The following NRXN1 variants were observed in gnomAD, a reference collection of about 807,000 sequenced individuals.
NRXN1 encodes the protein neurexin-1.
In NRXN1, 39 loss-of-function variants were observed where a neutral mutation model predicts 150.9. The observed-to-expected ratio is 0.26, with a 90% CI of 0.20 to 0.34. The LOEUF is 0.34. NRXN1 is among the 10% of genes least tolerant of loss of function. The pLI is 1.00. For synonymous variants in NRXN1, 924 were observed against 757.0 expected, an observed-to-expected ratio of 1.22 and a Z score of -3.62; for missense variants, 1,815 against 1,949.9, an observed-to-expected ratio of 0.93 and a Z score of 1.30.
intron 17 of NRXN1, chr2:50,312,711 A>G (rs753479601): frequency 1.9e-6 from 1 of 514,762 alleles, no homozygotes; most frequent in Non-Finnish European, 3.9e-6. Context: ...TCACTAGAAA[A>G]TGCTTCTATC....
intron 17 of NRXN1, among the ~76,000 whole-genome samples, chr2:50,366,211 G>A (rs1176365116): frequency 2.0e-5 from 3 of 147,546 alleles, no homozygotes. Flanking sequence ...AGAATGCAAC[G>A]TATGTTGAGA....
chr2:49,983,077 T>C (rs1680246560), intron 21 of NRXN1, among the ~76,000 whole-genome samples: 1 of 152,202 alleles, frequency 6.6e-6, no homozygotes, highest in African/African-American at 2.4e-5. Context: ...CTATTCTTTC[T>C]TGCAGCCTTT....
chr2:50,205,875 T>C (rs1392827650), intron 18 of NRXN1, among the ~76,000 whole-genome samples: 5 of 152,038 alleles, frequency 3.3e-5, no homozygotes, highest in Non-Finnish European at 7.4e-5. Context: ...ATTATATTAT[T>C]CTATTTATAT....
chr2:50,254,920 C>T (rs1250032063), intron 17 of NRXN1, among the ~76,000 whole-genome samples: 2 of 152,082 alleles, frequency 1.3e-5, no homozygotes, highest in East Asian at 3.9e-4. Context: ...GATCCTCCCA[C>T]CTCAGCCTCC....
chr2:50,814,691 A>T (rs571634546), intron 5 of NRXN1, among the ~76,000 whole-genome samples: 1 of 152,154 alleles, frequency 6.6e-6, no homozygotes, highest in South Asian at 2.1e-4. Context: ...GATCTCACTT[A>T]AAAATGTAAA....
chr2:50,776,663 C>T (rs1370669484), intron 5 of NRXN1, among the ~76,000 whole-genome samples: 2 of 150,860 alleles, frequency 1.3e-5, no homozygotes, highest in African/African-American at 2.4e-5. Context: ...CATACACACA[C>T]ACACACACAC....
chr2:50,833,840 A>G (rs565917705), intron 5 of NRXN1, among the ~76,000 whole-genome samples: 43 of 152,316 alleles, frequency 2.8e-4, no homozygotes, highest in African/African-American at 9.4e-4. Flanking sequence ...CACAGATAGA[A>G]CATAAAGCAA....
intron 18 of NRXN1, among the ~76,000 whole-genome samples, chr2:50,150,116 C>T (rs571210316): frequency 2.1e-4 from 32 of 151,778 alleles, no homozygotes; most frequent in African/African-American, 7.7e-4. Flanking sequence ...GATTCAATTA[C>T]TGTAAAGAAA....
chr2:50,915,137 G>C (rs1284924444), intron 5 of NRXN1, among the ~76,000 whole-genome samples: 2 of 151,586 alleles, frequency 1.3e-5, no homozygotes, highest in African/African-American at 4.8e-5. Context: ...GCAAAATCTT[G>C]AAGTATGTGA....
chr2:50,991,333 C>T (rs1698507685), intron 2 of NRXN1, among the ~76,000 whole-genome samples: 1 of 151,890 alleles, frequency 6.6e-6, no homozygotes, highest in African/African-American at 2.4e-5. Flanking sequence ...AAGGTGACCT[C>T]CTAAATAAAT....
In NRXN1 at chr2:49,993,878, C is replaced by T. The variant is rs189509885; in HGVS notation, c.4129-50087G>A. Among the ~76,000 whole-genome samples the T allele has an allele frequency of 3.2e-3, 486 of 152,266 alleles. 1 individual carries two copies. Among genetic ancestry groups the T allele is most frequent in the Non-Finnish European group, 5.1e-3 (347 of 68,022 alleles). ...ACCTCATTAACTTATTTGAATGGTA[C>T]ATTTGTATCTCTTGAAGAACTCTTA... is the stretch of plus-strand genomic sequence containing the variant. On this transcript the variant is annotated intron_variant, in intron 21 of 22. Transcript: ENST00000401669.
chr2:51,015,665 A>G (rs983459210), intron 2 of NRXN1, among the ~76,000 whole-genome samples: 2 of 152,068 alleles, frequency 1.3e-5, no homozygotes, highest in Non-Finnish European at 2.9e-5. Context: ...GTGAAAAAAA[A>G]ATATTTAAAT....
Position 50,097,008 on chromosome 2 carries a change from T to C in NRXN1, c.3547-5514A>G, listed in dbSNP as rs570184530. Among the ~76,000 whole-genome samples the C allele has an allele frequency of 3.9e-5, 6 of 152,282 alleles. No homozygotes were observed. In the South Asian group the frequency reaches 1.0e-3, roughly 26 times the overall value. ...GCATATATAATATGTGCCTATGAAA[T>C]GGATAAAGCAGAATACACGTAAGTA... On this transcript the variant is annotated intron_variant, in intron 18 of 22. Transcript: ENST00000401669.
intron 17 of NRXN1, among the ~76,000 whole-genome samples, chr2:50,278,326 T>C (rs2070929209): frequency 1.5e-5 from 2 of 135,366 alleles, no homozygotes; most frequent in African/African-American, 2.8e-5. Flanking sequence ...ATTATATATA[T>C]ATATATTTAG....
In NRXN1 at chr2:50,788,619, G is replaced by C. The variant is rs554521745; in HGVS notation, c.832+133250C>G. Among the ~76,000 whole-genome samples, 187 of 152,034 alleles carry C rather than the reference G, an allele frequency of 1.2e-3. 2 individuals carry two copies. Among genetic ancestry groups the C allele is most frequent in the African/African-American group, 4.2e-3 (174 of 41,520 alleles). ...AGAGAGAGAGACAGAGAGAGAGAGA[G>C]AGAAAGAGAGAGACAGAAACCCTTT... is the stretch of plus-strand genomic sequence containing the variant. On this transcript the variant is annotated intron_variant, in intron 5 of 22. Transcript: ENST00000401669.
At chr2:50,988,456 G>C (rs989849683) in intron 2 of NRXN1, among the ~76,000 whole-genome samples, 10 of 151,882 alleles carry the variant, frequency 6.6e-5, no homozygotes, top group Non-Finnish European at 1.3e-4. Flanking sequence ...TGCCAATTTT[G>C]TTTGGAAAAT....
intron 18 of NRXN1, among the ~76,000 whole-genome samples, chr2:50,215,541 C>T (rs550398543): frequency 9.3e-4 from 142 of 152,064 alleles, no homozygotes; most frequent in Non-Finnish European, 1.8e-3. Flanking sequence ...AAAACCTAAA[C>T]TCTGATCATT....
chr2:50,237,830 C>T (rs531397411), intron 17 of NRXN1, among the ~76,000 whole-genome samples: 6 of 152,096 alleles, frequency 3.9e-5, no homozygotes, highest in African/African-American at 1.4e-4. Context: ...TGGTAAACCC[C>T]ATAAACCCCA....
chr2:50,855,724 A>C (rs542506084), intron 5 of NRXN1, among the ~76,000 whole-genome samples: 4 of 152,188 alleles, frequency 2.6e-5, no homozygotes, highest in Non-Finnish European at 5.9e-5. Context: ...AATTTTCCTT[A>C]ATATTTAAAA....
Sources: gnomAD v4.1 joint callset for allele counts (sites outside exome capture counted in the v4.1 genomes callset) on GRCh38, gnomAD v4.1.1 for gene constraint, MANE v1.5 for transcripts, NCBI Gene and HGNC (gene_info 2026-07-23, HGNC 2026-07-21) for gene names.